Variants in PPIG observed in about 807,000 individuals in gnomAD.
The protein encoded by PPIG is peptidylprolyl isomerase G.
Under a neutral mutation model 87.9 loss-of-function variants are expected in PPIG, and 26 were observed. That is an observed-to-expected ratio of 0.30 (90% CI 0.22 to 0.41). PPIG has a LOEUF of 0.41. Among genes scored for constraint, PPIG ranks in the 10% least tolerant of loss-of-function variants. The pLI is 1.00. For missense variants in PPIG, 722 were observed against 879.4 expected (o/e 0.82, Z 2.26); for synonymous variants, 308 against 276.5 (o/e 1.11, Z -1.13).
intron 1 of PPIG, among the ~76,000 whole-genome samples, chr2:169,593,813 AT>A (rs376892159): frequency 6.6e-4 from 92 of 138,778 alleles, no homozygotes; most frequent in Middle Eastern, 3.6e-3. Flanking sequence ...TGCCCGGCTA[AT>A]TTTTTTTTTT....
chr2:169,591,154 A>G (rs531045155), intron 1 of PPIG, among the ~76,000 whole-genome samples: 1 of 152,364 alleles, frequency 6.6e-6, no homozygotes, highest in African/African-American at 2.4e-5. Flanking sequence ...GTCCGCTACT[A>G]TATATTTTAA....
At chr2:169,610,479 A>ATT (rs56049675) in intron 7 of PPIG, among the ~76,000 whole-genome samples, 13,590 of 148,340 alleles carry the variant, frequency 0.092, 745 homozygotes, top group Middle Eastern at 0.15. Context: ...TAGTTTTGAT[A>ATT]TTTTTTTTTT....
intron 9 of PPIG, among the ~76,000 whole-genome samples, chr2:169,623,829 A>T (rs1251032911): frequency 1.3e-5 from 2 of 152,320 alleles, no homozygotes; most frequent in Non-Finnish European, 1.5e-5. Flanking sequence ...TCTTATTTTG[A>T]TGGTGATTTC....
At chr2:169,626,908 C>T (rs1359527746) in intron 9 of PPIG, among the ~76,000 whole-genome samples, 2 of 151,936 alleles carry the variant, frequency 1.3e-5, no homozygotes, top group Non-Finnish European at 2.9e-5. Context: ...CGGGGTTTCA[C>T]CATGTTGGCC....
chr2:169,601,210 T>C (rs1378246964), intron 1 of PPIG, among the ~76,000 whole-genome samples: 1 of 152,218 alleles, frequency 6.6e-6, no homozygotes, highest in Non-Finnish European at 1.5e-5. Flanking sequence ...TTTCTCCCCA[T>C]TGTAAGATAT....
At chr2:169,598,975 G>A (rs945255718) in intron 1 of PPIG, among the ~76,000 whole-genome samples, 2 of 151,196 alleles carry the variant, frequency 1.3e-5, no homozygotes, top group African/African-American at 4.9e-5. Context: ...GGACATTTAG[G>A]TTTACAGCCT....
At position 169,637,267 on chromosome 2, in the gene PPIG, A is replaced by G. The variant is rs1686206311; in HGVS notation, c.2009A>G (p.Asp670Gly). 1 of 1,612,078 alleles carries G rather than the reference A, an allele frequency of 6.2e-7. No individual in the cohort carries two copies. The highest frequency in any genetic ancestry group is 1.1e-5 in the South Asian group (1 of 90,698). The change falls in exon 14 of 14, where the codon GAT (aspartate) becomes GGT (glycine). Residue 670 changes from aspartate to glycine, a missense_variant. Asp to Gly is a moderately conservative substitution (Grantham distance 94, BLOSUM62 -1). Around this residue, in one of 4 missense-constraint regions of PPIG, gnomAD observed 476 missense variants for 483.1 expected, o/e 0.99. Transcript: ENST00000260970. ...AAAAGAATGTACTCTAAAAGTCGTGATCATAATAGCTCAAATAACAGCAGG... is the reference window on the plus strand; with the variant it reads ...AAAAGAATGTACTCTAAAAGTCGTGGTCATAATAGCTCAAATAACAGCAGG... ...SEKRMYSKSR[D>G]HNSSNNSREK... is the part of the protein sequence containing the mutation.
intron 9 of PPIG, among the ~76,000 whole-genome samples, chr2:169,624,651 G>T (rs529011538): frequency 2.6e-5 from 4 of 152,154 alleles, no homozygotes; most frequent in African/African-American, 9.7e-5. Context: ...GCAGTGGTGC[G>T]TTCTCGGCTC....
At chr2:169,621,443 G>C (rs1685748536) in intron 9 of PPIG, among the ~76,000 whole-genome samples, 1 of 152,008 alleles carries the variant, frequency 6.6e-6, no homozygotes, top group Admixed American at 6.6e-5. Flanking sequence ...CATGAGACTG[G>C]CTATCCTTAT....
At chr2:169,635,666 A>C (rs947830650) in intron 12 of PPIG, among the ~76,000 whole-genome samples, 4 of 152,212 alleles carry the variant, frequency 2.6e-5, no homozygotes, top group African/African-American at 9.6e-5. Flanking sequence ...AATATGAGAA[A>C]TATTTGCTTT....
At chr2:169,595,898 G>A (rs541607612) in intron 1 of PPIG, among the ~76,000 whole-genome samples, 2 of 142,410 alleles carry the variant, frequency 1.4e-5, no homozygotes, top group African/African-American at 5.2e-5. Context: ...CTGCCTCCCG[G>A]GTTCAAGCGA....
chr2:169,599,729 T>C (rs1685123480), intron 1 of PPIG, among the ~76,000 whole-genome samples: 1 of 152,192 alleles, frequency 6.6e-6, no homozygotes, highest in African/African-American at 2.4e-5. Flanking sequence ...GTTTTGGTTG[T>C]CACAGTGACT....
chr2:169,637,127 A>G lies in PPIG; in HGVS notation c.1869A>G (p.Arg623=), dbSNP rs116023174. The change falls in exon 14 of 14, where the codon AGA becomes AGG. Residue 623 remains arginine (R), a synonymous_variant. Coordinates refer to ENST00000260970, the MANE Select transcript of PPIG (RefSeq NM_004792.3). ...PGRSRSKDRR[R]RRRDSRSSER... ...GATCAAGAAGTAAAGATAGGAGGAG[A>G]AGGAGGAGAGACTCACGGAGCTCAG... 6.8e-6 allele frequency: 11 copies of G among 1,612,498 alleles called. No individual in the cohort carries two copies. The highest frequency in any genetic ancestry group is 2.7e-5 in the African/African-American group (2 of 74,798).
intron 12 of PPIG, among the ~76,000 whole-genome samples, chr2:169,635,116 C>A (rs1490384491): frequency 6.6e-6 from 1 of 151,896 alleles, no homozygotes; most frequent in Non-Finnish European, 1.5e-5. Context: ...AGTTTTGACC[C>A]CGAGTCTTTA....
chr2:169,618,001 GTTC>G (rs140581831), intron 9 of PPIG, among the ~76,000 whole-genome samples: 12,488 of 152,098 alleles, frequency 0.082, 652 homozygotes, highest in Middle Eastern at 0.18. Flanking sequence ...GTCATAAATA[GTTC>G]TTATTATTTT....
intron 1 of PPIG, among the ~76,000 whole-genome samples, chr2:169,600,298 C>T (rs1431930971): frequency 6.6e-6 from 1 of 152,040 alleles, no homozygotes; most frequent in Non-Finnish European, 1.5e-5. Context: ...TGGTCTCGAA[C>T]AGCTGGACTT....
chr2:169,584,613 C>T, intron 1 of PPIG, 123 bp downstream of exon 1: 1 of 431,048 alleles, frequency 2.3e-6, no homozygotes, highest in Non-Finnish European at 4.6e-6. Flanking sequence ...GGTTTACCGT[C>T]TTTCCCTCGA....
chr2:169,612,145 A>ATG (rs1558893345), intron 7 of PPIG, among the ~76,000 whole-genome samples: 2 of 151,934 alleles, frequency 1.3e-5, no homozygotes, highest in Non-Finnish European at 2.9e-5. Flanking sequence ...CTAGTGAGTC[A>ATG]TGTGTATTCA....
chr2:169,593,149 G>A (rs1328983191), intron 1 of PPIG, among the ~76,000 whole-genome samples: 2 of 150,996 alleles, frequency 1.3e-5, no homozygotes, highest in Non-Finnish European at 3.0e-5. Flanking sequence ...TATATCTTAG[G>A]AATTTTTTCT....
Sources: allele counts gnomAD v4.1 joint callset (sites outside exome capture counted in the v4.1 genomes callset), GRCh38; gene constraint gnomAD v4.1.1; regional missense constraint gnomAD v4.1.1; transcripts MANE v1.5; gene names NCBI Gene and HGNC (gene_info 2026-07-23, HGNC 2026-07-21).